The following ARMH3 variants were observed in gnomAD, a reference collection of about 807,000 sequenced individuals.
The protein encoded by ARMH3 is armadillo-like helical domain-containing protein 3.
A neutral mutation model predicts 99.1 loss-of-function variants in ARMH3; 60 were observed. The ratio of observed to expected loss-of-function variants is 0.61; its 90% CI spans 0.49 to 0.75. ARMH3 has a LOEUF of 0.75. Ranked by LOEUF, ARMH3 falls within the 30% of genes least tolerant of loss-of-function variation. The pLI is 0.00. For missense variants in ARMH3, 679 were observed against 843.1 expected, an observed-to-expected ratio of 0.81 and a Z score of 2.41; for synonymous variants, 285 against 292.8, an observed-to-expected ratio of 0.97 and a Z score of 0.27.
chr10:101,932,969 G>A (rs569958247), intron 23 of ARMH3, among the ~76,000 whole-genome samples: 45 of 152,268 alleles, frequency 3.0e-4, no homozygotes, highest in African/African-American at 9.6e-4. Context: ...GGCGGATTAC[G>A]AGGTCAGGAG....
At chr10:101,849,424 AG>A (rs1321642250) in intron 25 of ARMH3, among the ~76,000 whole-genome samples, 1 of 152,224 alleles carries the variant, frequency 6.6e-6, no homozygotes, top group African/African-American at 2.4e-5. Context: ...TTAGGAGTTT[AG>A]GAAGACGTGA....
At chr10:102,047,477 T>C (rs923586367) in intron 1 of ARMH3, among the ~76,000 whole-genome samples, 2 of 151,588 alleles carry the variant, frequency 1.3e-5, no homozygotes, top group African/African-American at 4.8e-5. Flanking sequence ...ACCATTCTAT[T>C]GAACCAAACT....
intron 22 of ARMH3, among the ~76,000 whole-genome samples, chr10:101,950,940 T>G (rs189075699): frequency 2.7e-3 from 405 of 152,284 alleles, no homozygotes; most frequent in African/African-American, 9.1e-3. Context: ...ATGGGCAGAT[T>G]ATAAGGTAGG....
At chr10:101,935,552 G>A (rs1407369467) in intron 23 of ARMH3, among the ~76,000 whole-genome samples, 1 of 152,160 alleles carries the variant, frequency 6.6e-6, no homozygotes, top group Non-Finnish European at 1.5e-5. Context: ...CTGCTAGGGA[G>A]ACACTACCTT....
At chr10:102,008,988 G>A (rs951663024) in intron 13 of ARMH3, among the ~76,000 whole-genome samples, 1 of 152,144 alleles carries the variant, frequency 6.6e-6, no homozygotes, top group Non-Finnish European at 1.5e-5. Context: ...AGATAATAAG[G>A]TGAGTGGCTT....
chr10:101,855,948 T>C (rs1449121950), intron 24 of ARMH3, among the ~76,000 whole-genome samples: 1 of 152,028 alleles, frequency 6.6e-6, no homozygotes, highest in Non-Finnish European at 1.5e-5. Context: ...TCCAGTGCTC[T>C]TCCTAGTGCT....
In ARMH3 at chr10:101,975,192, A is replaced by T. The variant is rs1845940893; in HGVS notation, c.1495+20T>A. ...AAAAAGGTATAGAAAAAGGAAGATGAATTCAAGAGAGAAAGTTACCTGACC... is the reference window on the plus strand; with the variant it reads ...AAAAAGGTATAGAAAAAGGAAGATGTATTCAAGAGAGAAAGTTACCTGACC... On this transcript the variant is annotated intron_variant, in intron 20 of 25. Transcript: ENST00000370033. The T allele has an allele frequency of 6.2e-7, 1 of 1,604,706 alleles. No homozygotes were observed. Among genetic ancestry groups the T allele is most frequent in the Non-Finnish European group, 8.5e-7 (1 of 1,172,746 alleles).
At chr10:101,981,149 A>C (rs1215687022) in intron 19 of ARMH3, among the ~76,000 whole-genome samples, 1 of 152,124 alleles carries the variant, frequency 6.6e-6, no homozygotes, top group Non-Finnish European at 1.5e-5. Flanking sequence ...CACATTCTGC[A>C]CATGTAATCG....
In ARMH3 at chr10:102,006,571, T is replaced by A. The variant is rs1196553005; in HGVS notation, c.1017A>T (p.Thr339=). 6.2e-7 allele frequency: 1 copy of A among 1,613,938 alleles called. No homozygotes were observed. The highest frequency in any genetic ancestry group is 8.5e-7 in the Non-Finnish European group (1 of 1,179,906). The change falls in exon 14 of 26, where the codon ACA becomes ACT. Residue 339 remains threonine (T), a synonymous_variant. Coordinates refer to ENST00000370033, the MANE Select transcript of ARMH3 (RefSeq NM_024541.3). ...PVSPAPTTPV[T]PLGTTPPSSD... ...AGGAAGGCGGTGTGGTCCCAAGTGG[T>A]GTGACTGGGGTTGTAGGAGCAGGAC...
intron 24 of ARMH3, among the ~76,000 whole-genome samples, chr10:101,887,741 A>G (rs1428493271): frequency 1.3e-5 from 2 of 151,646 alleles, no homozygotes; most frequent in African/African-American, 2.4e-5. Context: ...CAGGTATACA[A>G]TTACATATTG....
chr10:101,989,291 T>A (rs1170511332), intron 19 of ARMH3, among the ~76,000 whole-genome samples: 1 of 152,088 alleles, frequency 6.6e-6, no homozygotes, highest in African/African-American at 2.4e-5. Flanking sequence ...CCCAGCTACT[T>A]TGGGAGGCTG....
chr10:101,942,235 G>C (rs545173828), intron 22 of ARMH3, among the ~76,000 whole-genome samples: 1 of 152,138 alleles, frequency 6.6e-6, no homozygotes, highest in African/African-American at 2.4e-5. Context: ...CATTTAAAAA[G>C]AGACATGAAA....
chr10:102,023,456 T>C (rs754858794), intron 8 of ARMH3, 21 bp downstream of exon 8: 5 of 1,595,476 alleles, frequency 3.1e-6, no homozygotes, highest in African/African-American at 1.3e-5. Context: ...ATAACAACTG[T>C]CCACTAAGGA....
At chr10:102,047,144 T>A (rs1263644144) in intron 1 of ARMH3, among the ~76,000 whole-genome samples, 1 of 152,198 alleles carries the variant, frequency 6.6e-6, no homozygotes, top group African/African-American at 2.4e-5. Flanking sequence ...GTAATTTTTT[T>A]AAGGATAAAA....
Position 102,010,003 on chromosome 10 carries a change from T to G in ARMH3, c.852A>C (p.Ala284=), listed in dbSNP as rs899584033. The G allele has an allele frequency of 6.2e-7, 1 of 1,613,926 alleles. No individual in the cohort carries two copies. The highest frequency in any genetic ancestry group is 8.5e-7 in the Non-Finnish European group (1 of 1,179,952). The change falls in exon 12 of 26, where the codon GCA becomes GCC. Residue 284 remains alanine (A), a synonymous_variant. Transcript: ENST00000370033. The part of the protein sequence containing the change: ...LTNMVGSMFI[A]DAHEKISVQT... The stretch of plus-strand genomic sequence containing the variant: ...GTACTGAGATTTTCTCATGGGCATC[T>G]GCTATGAACATGCTGCCCACCTGTG...
chr10:101,969,146 T>C (rs2135888332), intron 20 of ARMH3, among the ~76,000 whole-genome samples: 1 of 152,316 alleles, frequency 6.6e-6, no homozygotes, highest in Non-Finnish European at 1.5e-5. Flanking sequence ...ACTGCTATGT[T>C]CTTTCCCGCC....
chr10:101,925,093 G>A (rs1017752664), intron 23 of ARMH3, among the ~76,000 whole-genome samples: 4 of 152,296 alleles, frequency 2.6e-5, no homozygotes, highest in Admixed American at 2.0e-4. Flanking sequence ...AGTGTAGGAC[G>A]GGAGAGAACT....
intron 24 of ARMH3, among the ~76,000 whole-genome samples, chr10:101,879,410 C>T (rs924347218): frequency 1.3e-5 from 2 of 150,482 alleles, no homozygotes; most frequent in African/African-American, 2.5e-5. Flanking sequence ...AGTGCAATGG[C>T]GTAATCTTGG....
At chr10:101,956,749 A>T in intron 21 of ARMH3, 26 bp from the exon 22 acceptor site, 1 of 1,610,444 alleles carries the variant, frequency 6.2e-7, no homozygotes, top group Non-Finnish European at 8.5e-7. Flanking sequence ...AGGCCCATAT[A>T]TAGGCATCAG....
Sources: gnomAD v4.1 joint callset for allele counts (sites outside exome capture counted in the v4.1 genomes callset) on GRCh38, gnomAD v4.1.1 for gene constraint, MANE v1.5 for transcripts, NCBI Gene and HGNC (gene_info 2026-07-23, HGNC 2026-07-21) for gene names.